Variants in PGBD5 observed in about 807,000 individuals in gnomAD.
PGBD5 encodes piggyBac transposable element-derived protein 5.
A neutral mutation model predicts 47.9 loss-of-function variants in PGBD5; 14 were observed. The ratio of observed to expected loss-of-function variants is 0.29; its 90% CI spans 0.19 to 0.46. The LOEUF is 0.46. Among genes scored for constraint, PGBD5 ranks in the 20% least tolerant of loss-of-function variants. The probability of loss-of-function intolerance (pLI) is 1.00; values close to 1 mark genes in which losing one functional copy is unlikely to be tolerated. For synonymous variants in PGBD5, 316 were observed against 306.3 expected (o/e 1.03, Z -0.33); for missense variants, 635 against 716.0 (o/e 0.89, Z 1.29).
At position 230,387,978 on chromosome 1, in the gene PGBD5, G is replaced by A. The variant is rs181672671; in HGVS notation, c.332-30657C>T. ...TTTGACCCAGGCCAGTGAGAGCAAT[G>A]GGTGCCATCAAGGGGCTGCTCCCTG... On this transcript the variant is annotated intron_variant, in intron 1 of 6. Transcript: ENST00000391860. Among the ~76,000 whole-genome samples, 5 of 152,240 alleles carry A rather than the reference G, an allele frequency of 3.3e-5. No individual in the cohort carries two copies. In the East Asian group the frequency reaches 9.7e-4, roughly 29 times the overall value.
rs1039459631 is a variant in PGBD5 at position 230,346,583 on chromosome 1, C to G, written c.894+4375G>C. 3.3e-5 allele frequency among the ~76,000 whole-genome samples: 5 copies of G among 152,280 alleles called. No individual in the cohort carries two copies. In the South Asian group the frequency reaches 6.2e-4, roughly 19 times the overall value. ...CAAGCATATCGCAAGATTTCCTGAG[C>G]CCTACCTTATAAATAATTCCCTGCC... On this transcript the variant is annotated intron_variant, in intron 3 of 6. Transcript: ENST00000391860.
rs1376703773 is a variant in PGBD5, at chr1:230,357,510, T to C, written c.332-189A>G. 6.6e-6 allele frequency among the ~76,000 whole-genome samples: 1 copy of C among 152,196 alleles called. No homozygotes were observed. On this transcript the variant is annotated intron_variant, in intron 1 of 6. Transcript: ENST00000391860. The surrounding 1 kb of genome is among the most constrained non-coding windows in gnomAD (Gnocchi z 5.7). Reference sequence around the variant, plus strand: ...CTGACAGTGCCGGCTCCCATAGCTTTTGTACGCCCCTTTGCTCCAAAACAG... The same window carrying C: ...CTGACAGTGCCGGCTCCCATAGCTTCTGTACGCCCCTTTGCTCCAAAACAG...
chr1:230,362,366 G>C, intron 1 of PGBD5: 1 of 1,365,742 alleles, frequency 7.3e-7, no homozygotes, highest in Non-Finnish European at 9.8e-7. Context: ...CACAGCTGTC[G>C]CTGCCTCTGG....
At position 230,425,847 on chromosome 1, in the gene PGBD5, T is replaced by A; in HGVS notation, c.82A>T (p.Ile28Phe). 8.3e-7 allele frequency: 1 copy of A among 1,199,796 alleles called. No homozygotes were observed. Among genetic ancestry groups the A allele is most frequent in the Non-Finnish European group, 1.0e-6 (1 of 968,020 alleles). The allele number at this position is 1,199,796 out of a possible 1,614,324, so 74.3% of individuals were successfully genotyped here. The change falls in exon 1 of 7, where the codon ATC (isoleucine) becomes TTC (phenylalanine). Residue 28 changes from isoleucine to phenylalanine, a missense_variant. Physicochemically the swap from Ile to Phe is conservative, Grantham distance 21. Transcript: ENST00000391860. This position sits in a 1 kb window ranked among gnomAD's most constrained non-coding sequence, Gnocchi z 4.7. Reference protein sequence around the residue: ...AARARYESLHISDDVFGESGP... With the variant: ...AARARYESLHFSDDVFGESGP... The stretch of plus-strand genomic sequence containing the variant: ...GACTCGCCGAACACGTCGTCCGAGA[T>A]GTGCAGGCTCTCGTAGCGCGCGCGG...
chr1:230,315,815 C>CATACATATAGAGGT lies in PGBD5; in HGVS notation c.*7596_*7609dup, dbSNP rs1666927804. ...ATATGTATACATATATGTATATGTGCATACATATAGAGGTATACATATAGA... is the reference window on the plus strand; with the variant it reads ...ATATGTATACATATATGTATATGTGCATACATATAGAGGTATACATATAGAGGTATACATATAGA... On this transcript the variant is annotated 3_prime_UTR_variant, in exon 7 of 7. Coordinates refer to ENST00000391860, the MANE Select transcript of PGBD5 (RefSeq NM_001258311.2). The CATACATATAGAGGT allele has an allele frequency of 1.2e-5, 1 of 84,198 alleles. No homozygotes were observed. The highest frequency in any genetic ancestry group is 3.4e-5 in the African/African-American group (1 of 29,532). The allele number at this position is 84,198 out of a possible 1,614,324, so 5.2% of individuals were successfully genotyped here.
At chr1:230,396,038 C>T (rs569667326) in intron 1 of PGBD5, among the ~76,000 whole-genome samples, 4 of 144,716 alleles carry the variant, frequency 2.8e-5, no homozygotes, top group Admixed American at 6.9e-5. Flanking sequence ...CCCTTGCTTC[C>T]GTCTTCCCTT....
At chr1:230,400,737 T>C (rs1436067523) in intron 1 of PGBD5, among the ~76,000 whole-genome samples, 2 of 152,158 alleles carry the variant, frequency 1.3e-5, no homozygotes, top group African/African-American at 2.4e-5. Context: ...CCCAGCTACT[T>C]AGGAGGCTGA....
chr1:230,346,991 A>G (rs1667484440), intron 3 of PGBD5, among the ~76,000 whole-genome samples: 1 of 152,132 alleles, frequency 6.6e-6, no homozygotes, highest in Admixed American at 6.5e-5. Flanking sequence ...CTTTATTGTA[A>G]AACTTCTTGA....
At chr1:230,341,818 T>C (rs1014015346) in intron 3 of PGBD5, among the ~76,000 whole-genome samples, 2 of 152,174 alleles carry the variant, frequency 1.3e-5, no homozygotes, top group African/African-American at 4.8e-5. Context: ...CAAGTATCTC[T>C]AGAGCAGGAA....
At chr1:230,326,754 T>A (rs1034264120) in intron 5 of PGBD5, among the ~76,000 whole-genome samples, 3 of 152,166 alleles carry the variant, frequency 2.0e-5, no homozygotes, top group African/African-American at 7.2e-5. Flanking sequence ...GGATTACATG[T>A]GCGAGCCTCC....
chr1:230,333,064 T>G (rs1186664480), intron 4 of PGBD5, 23 bp from the exon 5 acceptor site: 1 of 1,570,584 alleles, frequency 6.4e-7, no homozygotes, highest in East Asian at 2.3e-5. Flanking sequence ...GGAGGAAGGA[T>G]CGCACACTCA....
At chr1:230,378,209 C>G (rs531526998) in intron 1 of PGBD5, among the ~76,000 whole-genome samples, 1 of 152,332 alleles carries the variant, frequency 6.6e-6, no homozygotes, top group South Asian at 2.1e-4. Context: ...CTATGCCCAC[C>G]TTCCCTGGCC....
At chr1:230,377,207 A>G (rs1487623004) in intron 1 of PGBD5, among the ~76,000 whole-genome samples, 1 of 152,214 alleles carries the variant, frequency 6.6e-6, no homozygotes, top group Non-Finnish European at 1.5e-5. Context: ...GCCTTGAGAT[A>G]AGAAGGAATG....
intron 1 of PGBD5, among the ~76,000 whole-genome samples, chr1:230,416,514 G>A (rs1571866168): frequency 6.6e-6 from 1 of 152,336 alleles, no homozygotes; most frequent in Non-Finnish European, 1.5e-5. Flanking sequence ...GCAGGTGGCA[G>A]TGAGTGCTAG....
At chr1:230,327,932 A>G (rs1429679707) in intron 5 of PGBD5, among the ~76,000 whole-genome samples, 2 of 152,228 alleles carry the variant, frequency 1.3e-5, no homozygotes, top group Non-Finnish European at 2.9e-5. Flanking sequence ...CTGACCTCCA[A>G]TGACAACCTT....
chr1:230,377,519 G>A (rs1458079598), intron 1 of PGBD5: 3 of 1,612,872 alleles, frequency 1.9e-6, no homozygotes, highest in Admixed American at 3.3e-5. Context: ...TCGCTTGGCT[G>A]CAGATCCCGG....
chr1:230,361,887 T>C (rs74143197), intron 1 of PGBD5, among the ~76,000 whole-genome samples: 19,663 of 152,186 alleles, frequency 0.13, 2,492 homozygotes, highest in African/African-American at 0.33. Flanking sequence ...CCTGGAGGCC[T>C]TGTCTGAGAT....
intron 4 of PGBD5, 24 bp from the exon 5 acceptor site, chr1:230,333,065 C>G: frequency 6.4e-7 from 1 of 1,568,788 alleles, no homozygotes; most frequent in East Asian, 2.3e-5. Flanking sequence ...GAGGAAGGAT[C>G]GCACACTCAC....
intron 4 of PGBD5, among the ~76,000 whole-genome samples, chr1:230,336,613 C>A (rs1031860528): frequency 5.3e-5 from 8 of 152,184 alleles, no homozygotes; most frequent in Non-Finnish European, 1.5e-5. Context: ...CTTGCCCAGT[C>A]TTTGCCATGC....
Sources: gnomAD v4.1 joint callset for allele counts (sites outside exome capture counted in the v4.1 genomes callset) on GRCh38, gnomAD v4.1.1 for gene constraint, Gnocchi (gnomAD v3.1) non-coding constraint, MANE v1.5 for transcripts, NCBI Gene and HGNC (gene_info 2026-07-23, HGNC 2026-07-21) for gene names.